The following RTN4 variants were observed in gnomAD, a reference collection of about 807,000 sequenced individuals.
RTN4 encodes reticulon-4.
A neutral mutation model predicts 90.4 loss-of-function variants in RTN4; 32 were observed. That is an observed-to-expected ratio of 0.35 (90% CI 0.27 to 0.48). The LOEUF is 0.48. Ranked by LOEUF, RTN4 falls within the 20% of genes least tolerant of loss-of-function variation. The pLI, the probability that RTN4 is intolerant of heterozygous loss-of-function variation, is 0.99. For missense variants in RTN4, 1,706 were observed against 1,430.2 expected, an observed-to-expected ratio of 1.19 and a Z score of -3.11; for synonymous variants, 629 against 552.5, an observed-to-expected ratio of 1.14 and a Z score of -1.94.
chr2:55,091,829 T>TGGC (rs1668940838), intron 1 of RTN4, among the ~76,000 whole-genome samples: 1 of 115,372 alleles, frequency 8.7e-6, no homozygotes, highest in Non-Finnish European at 1.8e-5. Flanking sequence ...ATTTCTTACA[T>TGGC]GGCAGCGGCA....
intron 4 of RTN4, among the ~76,000 whole-genome samples, chr2:54,985,410 T>G (rs1678479677): frequency 6.6e-6 from 1 of 152,022 alleles, no homozygotes; most frequent in Non-Finnish European, 1.5e-5. Context: ...TCCTCCTGCC[T>G]CAGGATCCCA....
chr2:54,989,916 G>A (rs994481396), intron 3 of RTN4, among the ~76,000 whole-genome samples: 4 of 152,110 alleles, frequency 2.6e-5, no homozygotes, highest in Non-Finnish European at 5.9e-5. Context: ...GGAGGGTACA[G>A]TGAGAGAACA....
At position 55,002,199 on chromosome 2, in the gene RTN4, T is replaced by C. The variant is rs547816993; in HGVS notation, c.3014-14501A>G. ...TCAGCCTCCCAAGTAGCTGGGACCA[T>C]AGGCGTGCACCACCACACCAAGCTA... On this transcript the variant is annotated intron_variant, in intron 3 of 8. Coordinates refer to ENST00000337526, the MANE Select transcript of RTN4 (RefSeq NM_020532.5). Among the ~76,000 whole-genome samples the C allele has an allele frequency of 3.4e-4, 51 of 151,916 alleles. 1 individual carries two copies. The highest frequency in any genetic ancestry group is 1.1e-3 in the African/African-American group (44 of 41,416).
rs200170159 is a variant in RTN4, at chr2:55,025,543, C to T, written c.2556G>A (p.Gln852=). Residue 852 remains glutamine, a synonymous_variant, in exon 3 of 9, where the codon CAG becomes CAA. Transcript: ENST00000337526. ...NDDLFISKEA[Q]IRETETFSDS... is the part of the protein sequence containing the mutation. ...CTGAAAACGTTTCAGTTTCTCTTAT[C>T]TGTGCTTCCTTAGAAATAAATAAGT... The T allele has an allele frequency of 4.2e-5, 67 of 1,613,566 alleles. No individual in the cohort carries two copies. The highest frequency in any genetic ancestry group is 5.3e-5 in the Non-Finnish European group (62 of 1,179,818).
chr2:54,990,635 C>T (rs1257826388), intron 3 of RTN4, among the ~76,000 whole-genome samples: 1 of 152,032 alleles, frequency 6.6e-6, no homozygotes, highest in Non-Finnish European at 1.5e-5. Flanking sequence ...GGTTAATAAA[C>T]TATACTGTTG....
the RTN4 span, among the ~76,000 whole-genome samples, chr2:55,135,303 G>C: frequency 6.6e-6 from 1 of 150,544 alleles, no homozygotes. Context: ...CGCCTCCCAG[G>C]CTCAAGCAAT....
At chr2:55,009,169 G>A (rs1680453048) in intron 3 of RTN4, among the ~76,000 whole-genome samples, 1 of 152,112 alleles carries the variant, frequency 6.6e-6, no homozygotes, top group South Asian at 2.1e-4. Context: ...CTGCTAGAAG[G>A]AAATAATTTT....
chr2:55,018,395 G>A (rs1301521623), intron 3 of RTN4, among the ~76,000 whole-genome samples: 2 of 152,156 alleles, frequency 1.3e-5, no homozygotes, highest in Admixed American at 6.6e-5. Flanking sequence ...TAGTCAGTGG[G>A]AGAAGGACGC....
chr2:54,975,027 A>G (rs2104602196), intron 5 of RTN4, among the ~76,000 whole-genome samples: 1 of 152,338 alleles, frequency 6.6e-6, no homozygotes. Flanking sequence ...CAATATACCA[A>G]GGGTGCATCT....
At chr2:55,111,143 T>C (rs1194883559) in intron 1 of RTN4, among the ~76,000 whole-genome samples, 6 of 152,234 alleles carry the variant, frequency 3.9e-5, no homozygotes, top group African/African-American at 1.2e-4. Context: ...TCTTTATTTT[T>C]ACTTGCTTGC....
chr2:55,119,242 T>G, the RTN4 span, among the ~76,000 whole-genome samples: 4 of 152,232 alleles, frequency 2.6e-5, no homozygotes, highest in Non-Finnish European at 5.9e-5. Context: ...CTCAGTGAAT[T>G]GCAGTCAAGT....
chr2:55,030,824 T>G (rs1349724354), intron 1 of RTN4, among the ~76,000 whole-genome samples: 1 of 152,216 alleles, frequency 6.6e-6, no homozygotes, highest in Non-Finnish European at 1.5e-5. Context: ...TCTTACTGTA[T>G]CAGCCCCTCA....
chr2:55,003,297 T>C (rs1679974551), intron 3 of RTN4, among the ~76,000 whole-genome samples: 1 of 152,228 alleles, frequency 6.6e-6, no homozygotes, highest in African/African-American at 2.4e-5. Context: ...GATAATTTGG[T>C]AATTTTTCAG....
At chr2:55,016,366 T>C (rs1398653219) in intron 3 of RTN4, among the ~76,000 whole-genome samples, 1 of 152,100 alleles carries the variant, frequency 6.6e-6, no homozygotes, top group Admixed American at 6.6e-5. Flanking sequence ...GCAGATCACT[T>C]AAGGTCAGGA....
At chr2:55,028,054 C>G in intron 2 of RTN4, 110 bp downstream of exon 2, 1 of 894,396 alleles carries the variant, frequency 1.1e-6, no homozygotes, top group Non-Finnish European at 1.6e-6. Flanking sequence ...AAAACATTCT[C>G]GGAACCATGC....
chr2:55,032,372 C>T (rs903151842), intron 1 of RTN4, among the ~76,000 whole-genome samples: 1 of 152,050 alleles, frequency 6.6e-6, no homozygotes, highest in African/African-American at 2.4e-5. Context: ...AACTAACACA[C>T]CTGGCCTGGA....
Position 55,049,944 on chromosome 2 carries a change from C to T in RTN4, c.357G>A (p.Ala119=), listed in dbSNP as rs773652111. The T allele has an allele frequency of 1.0e-5, 14 of 1,349,834 alleles. No homozygotes were observed. Among genetic ancestry groups the T allele is most frequent in the Admixed American group, 8.1e-5 (2 of 24,608 alleles). The allele number at this position is 1,349,834 out of a possible 1,614,324, so 83.6% of individuals were successfully genotyped here. A position where few individuals can be genotyped will look rare whatever the true frequency, so the allele number is the denominator to read the frequency against. Residue 119 remains alanine (A), a synonymous_variant, in exon 1 of 9, where the codon GCG becomes GCA. Coordinates refer to ENST00000337526, the MANE Select transcript of RTN4 (RefSeq NM_020532.5). ...CTGCGGCAGCAGACAGCGGGGATGG[C>T]GCGGGCACGGTCGACGACACCGGGC... ...DPSPVSSTVP[A]PSPLSAAAVS...
chr2:55,058,745 TA>T (rs1668235298), intron 2 of RTN4, among the ~76,000 whole-genome samples: 1 of 152,250 alleles, frequency 6.6e-6, no homozygotes, highest in South Asian at 2.1e-4. Flanking sequence ...CAGATAGCTT[TA>T]GAAATCATCT....
At chr2:55,127,569 A>C in the RTN4 span, among the ~76,000 whole-genome samples, 1 of 152,166 alleles carries the variant, frequency 6.6e-6, no homozygotes, top group African/African-American at 2.4e-5. Flanking sequence ...AGCACATACA[A>C]CCGACTTTCC....
Sources: allele counts gnomAD v4.1 joint callset (sites outside exome capture counted in the v4.1 genomes callset), GRCh38; gene constraint gnomAD v4.1.1; transcripts MANE v1.5; gene names NCBI Gene and HGNC (gene_info 2026-07-23, HGNC 2026-07-21).